TCF4: variants seen among roughly 807,000 people sequenced by gnomAD.
TCF4 encodes SL3-3 enhancer factor 2.
TCF4 carries 3 observed loss-of-function variants against 82.1 expected under a neutral mutation model. The observed-to-expected ratio is 0.04, with a 90% CI of 0.02 to 0.09. The LOEUF (loss-of-function observed/expected upper bound fraction) is 0.09, where lower values mean the gene tolerates loss of function less well. Among genes scored for constraint, TCF4 ranks in the 10% least tolerant of loss-of-function variants. TCF4 has a pLI of 1.00. For missense variants in TCF4, 518 were observed against 852.7 expected (o/e 0.61, Z 4.89); for synonymous variants, 276 against 309.6 (o/e 0.89, Z 1.14).
At chr18:55,605,646 G>A (rs1299498029) in intron 2 of TCF4, among the ~76,000 whole-genome samples, 1 of 152,206 alleles carries the variant, frequency 6.6e-6, no homozygotes, top group Non-Finnish European at 1.5e-5. Flanking sequence ...AGTACTCCAA[G>A]TTGATGAAGG....
chr18:55,576,724 T>C (rs998641701), intron 3 of TCF4, among the ~76,000 whole-genome samples: 2 of 152,160 alleles, frequency 1.3e-5, no homozygotes, highest in African/African-American at 4.8e-5. Context: ...TTCTCTAAAC[T>C]CCCACATTAT....
chr18:55,425,756 A>C (rs920754485), intron 5 of TCF4, among the ~76,000 whole-genome samples: 1 of 152,188 alleles, frequency 6.6e-6, no homozygotes, highest in African/African-American at 2.4e-5. Flanking sequence ...AGGAACTAAA[A>C]CACGATCTCC....
intron 6 of TCF4, among the ~76,000 whole-genome samples, chr18:55,400,017 T>A (rs1013823007): frequency 3.3e-5 from 5 of 151,554 alleles, no homozygotes; most frequent in Non-Finnish European, 4.4e-5. Context: ...AAACTTCCAT[T>A]TAAGGGGAGA....
chr18:55,235,406 G>A (rs2049071826), intron 15 of TCF4, among the ~76,000 whole-genome samples: 1 of 152,110 alleles, frequency 6.6e-6, no homozygotes, highest in African/African-American at 2.4e-5. Context: ...TGCCATGCAA[G>A]GAAGGATGTT....
intron 3 of TCF4, among the ~76,000 whole-genome samples, chr18:55,579,484 T>C (rs756947907): frequency 3.9e-5 from 6 of 151,968 alleles, no homozygotes; most frequent in Non-Finnish European, 5.9e-5. Flanking sequence ...AAAGGGCAGA[T>C]TTTTCTGTTC....
intron 5 of TCF4, among the ~76,000 whole-genome samples, chr18:55,409,764 T>A (rs1477240784): frequency 6.6e-6 from 1 of 152,250 alleles, no homozygotes; most frequent in Non-Finnish European, 1.5e-5. Context: ...TGGTTTCTAT[T>A]GGCTTATATG....
At chr18:55,376,018 C>CTTTTTTT (rs772990901) in intron 6 of TCF4, among the ~76,000 whole-genome samples, 2 of 122,762 alleles carry the variant, frequency 1.6e-5, no homozygotes, top group Non-Finnish European at 3.4e-5. Flanking sequence ...TTTTCTTCTC[C>CTTTTTTT]TTTTTTTTTT....
At chr18:55,490,889 G>A (rs2096568895) in intron 3 of TCF4, among the ~76,000 whole-genome samples, 1 of 152,180 alleles carries the variant, frequency 6.6e-6, no homozygotes, top group African/African-American at 2.4e-5. Flanking sequence ...AGGAATGACT[G>A]AGAATGCTAT....
At chr18:55,357,486 G>A (rs1194073399) in intron 6 of TCF4, among the ~76,000 whole-genome samples, 3 of 152,124 alleles carry the variant, frequency 2.0e-5, no homozygotes, top group African/African-American at 4.8e-5. Flanking sequence ...GCAATTTTGT[G>A]CCAAAGTAAA....
intron 3 of TCF4, chr18:55,496,112 G>A (rs1177109758): frequency 6.6e-6 from 1 of 152,174 alleles, no homozygotes; most frequent in Non-Finnish European, 1.5e-5. Flanking sequence ...ATGAAAGTGG[G>A]AGCAACAAAA....
At chr18:55,283,733 A>G (rs750102629) in intron 8 of TCF4, among the ~76,000 whole-genome samples, 7 of 152,236 alleles carry the variant, frequency 4.6e-5, no homozygotes, top group Non-Finnish European at 1.0e-4. Context: ...TGTAAAGTGG[A>G]AATGACAATG....
chr18:55,382,671 G>A (rs1375977415), intron 6 of TCF4, among the ~76,000 whole-genome samples: 2 of 152,120 alleles, frequency 1.3e-5, no homozygotes, highest in Non-Finnish European at 2.9e-5. Context: ...AAAAAAGGAA[G>A]TCATTTATCA....
intron 2 of TCF4, among the ~76,000 whole-genome samples, chr18:55,599,756 A>G (rs1161169948): frequency 6.6e-6 from 1 of 152,216 alleles, no homozygotes; most frequent in Non-Finnish European, 1.5e-5. Context: ...TATGTATGAT[A>G]AAAAGTGAAA....
At chr18:55,587,324 T>G (rs531517220) in intron 1 of TCF4, 188 bp from the exon 2 acceptor site, 1 of 108,132 alleles carries the variant, frequency 9.2e-6, no homozygotes, top group Non-Finnish European at 1.6e-5. Flanking sequence ...TAAGATGGAA[T>G]AGGCAGCAAT....
At chr18:55,625,240 CT>C (rs1212898000) in intron 2 of TCF4, among the ~76,000 whole-genome samples, 3,040 of 141,728 alleles carry the variant, frequency 0.021, 45 homozygotes, top group African/African-American at 0.062. Flanking sequence ...CAAGCTACAA[CT>C]TTTTTTTTTT....
chr18:55,250,231 T>G (rs1401079319), intron 15 of TCF4, among the ~76,000 whole-genome samples: 1 of 152,198 alleles, frequency 6.6e-6, no homozygotes, highest in East Asian at 1.9e-4. Context: ...TCTTAGGCAC[T>G]CAGCGCAAAC....
At chr18:55,292,955 T>C (rs192300085) in intron 8 of TCF4, among the ~76,000 whole-genome samples, 1 of 152,262 alleles carries the variant, frequency 6.6e-6, no homozygotes, top group East Asian at 1.9e-4. Context: ...TAAAGGTTTA[T>C]AAAGCCTAGA....
intron 5 of TCF4, chr18:55,422,501 A>T: frequency 1.0e-6 from 1 of 966,540 alleles, no homozygotes; most frequent in Non-Finnish European, 1.2e-6. Context: ...ATTATTAAAA[A>T]AAAGAGAATC....
intron 6 of TCF4, among the ~76,000 whole-genome samples, chr18:55,374,157 C>A (rs1270393609): frequency 6.6e-6 from 1 of 151,568 alleles, no homozygotes; most frequent in African/African-American, 2.4e-5. Flanking sequence ...GCAGCCAAAG[C>A]TGTAACCAAT....
Sources: gnomAD v4.1 joint callset for allele counts (sites outside exome capture counted in the v4.1 genomes callset) on GRCh38, gnomAD v4.1.1 for gene constraint, MANE v1.5 for transcripts, NCBI Gene and HGNC (gene_info 2026-07-23, HGNC 2026-07-21) for gene names.